The following MIA3 variants were observed in gnomAD, a reference collection of about 807,000 sequenced individuals.
MIA3 encodes transport and Golgi organization protein 1 homolog.
In MIA3, 90 loss-of-function variants were observed where a neutral mutation model predicts 192.4. The observed-to-expected ratio is 0.47, with a 90% confidence interval of 0.39 to 0.56. The LOEUF (loss-of-function observed/expected upper bound fraction) is 0.56, where lower values mean the gene tolerates loss of function less well. MIA3 is among the 20% of genes least tolerant of loss of function. The pLI is 0.00. For missense variants in MIA3, 2,123 were observed against 2,269.4 expected (o/e 0.94, Z 1.31); for synonymous variants, 740 against 792.8 (o/e 0.93, Z 1.12).
rs188656164 is a variant in MIA3, at chr1:222,654,406, G to T, written c.4395G>T (p.Ser1465=). Residue 1465 remains serine (S), a synonymous_variant, in exon 17 of 28, where the codon TCG becomes TCT. Coordinates refer to ENST00000344922, the MANE Select transcript of MIA3 (RefSeq NM_198551.4). ...MDVSRTQTAI[S]VVEEDLKLLQ... ...ATTTTTAGACACAGACTGCAATATC[G>T]GTAGTTGAAGAGGATCTAAAGCTTT... 4 of 1,613,518 alleles carry T rather than the reference G, an allele frequency of 2.5e-6. No homozygotes were observed. The African/African-American group carries it at 5.3e-5, about 22-fold the overall frequency.
rs75058999 is a variant in MIA3 at position 222,659,483 on chromosome 1, A to G, written c.4740A>G (p.Leu1580=). ...KRRIEEMEDE[L]QKTERSFKNQ... ...GAATTGAAGAAATGGAGGATGAATT[A>G]CAGAAGACAGAGCGGTCATTTAAAA... Residue 1580 remains leucine, a synonymous_variant, in exon 20 of 28, where the codon TTA becomes TTG. Transcript: ENST00000344922. The G allele has an allele frequency of 4.2e-4, 682 of 1,614,014 alleles. 2 individuals are homozygous for G. In the Middle Eastern group the frequency reaches 7.1e-3, roughly 17 times the overall value.
At chr1:222,621,813 G>GTA (rs1553280458) in intron 2 of MIA3, among the ~76,000 whole-genome samples, 3 of 140,120 alleles carry the variant, frequency 2.1e-5, no homozygotes, top group Non-Finnish European at 4.6e-5. Context: ...TTGTTTGTTT[G>GTA]TTTTTTTTTT....
In MIA3 at chr1:222,654,791, A is replaced by C. The variant is rs762696018; in HGVS notation, c.4605A>C (p.Gln1535His). ...ATCAGCAGAAGGAGATGGCTTTGCAAAAGTAAGATTATCATCATTTACTGT... is the reference window on the plus strand; with the variant it reads ...ATCAGCAGAAGGAGATGGCTTTGCACAAGTAAGATTATCATCATTTACTGT... ...ELYQQKEMAL[Q>H]KKLSQEEYER... The change falls in exon 18 of 28, where the codon CAA becomes CAC. Residue 1535 changes from glutamine to histidine, a missense_variant and splice_region_variant. This residue lies in a region of MIA3 where 762 missense variants were observed against 856.4 expected (regional missense o/e 0.89). Transcript: ENST00000344922. 1 of 1,613,144 alleles carries C rather than the reference A, an allele frequency of 6.2e-7. No individual in the cohort carries two copies. The highest frequency in any genetic ancestry group is 1.3e-5 in the African/African-American group (1 of 74,894).
intron 8 of MIA3, chr1:222,649,481 C>A (rs1201765116): frequency 1.3e-5 from 2 of 152,248 alleles, no homozygotes; most frequent in Non-Finnish European, 2.9e-5. Context: ...AAAGAAATAC[C>A]CAAGGCCTGG....
At chr1:222,659,138 T>C (rs1663880233) in intron 19 of MIA3, 2 of 418,816 alleles carry the variant, frequency 4.8e-6, no homozygotes, top group East Asian at 8.8e-5. Context: ...TTTGGGAAAA[T>C]TTTTATGATG....
intron 7 of MIA3, 74 bp from the exon 8 acceptor site, chr1:222,648,755 A>C (rs1316287857): frequency 3.5e-6 from 3 of 864,396 alleles, no homozygotes; most frequent in Non-Finnish European, 5.7e-6. Context: ...CAATTCTGAC[A>C]GTTGTATTAG....
intron 1 of MIA3, among the ~76,000 whole-genome samples, chr1:222,620,149 G>A (rs1005827050): frequency 1.4e-4 from 22 of 152,166 alleles, no homozygotes; most frequent in South Asian, 1.0e-3. Flanking sequence ...CTATATGCGT[G>A]TATAGCCATT....
At chr1:222,654,168 TG>T in intron 15 of MIA3, 74 bp from the exon 16 acceptor site, 2 of 1,397,756 alleles carry the variant, frequency 1.4e-6, no homozygotes, top group Admixed American at 3.7e-5. Context: ...TGTTTAGTTT[TG>T]GGTAAATCAA....
rs534563983 is a variant in MIA3, at chr1:222,644,458, G to T, written c.3478-1096G>T. 5.5e-5 allele frequency: 85 copies of T among 1,550,488 alleles called. 2 individuals are homozygous for T. The South Asian group carries it at 9.2e-4, about 17-fold the overall frequency. ...CATTCCGCAGGGAATTGTCGCTTGCGTTCAGCTGTTCTACACAATGGACTC... is the reference window on the plus strand; with the variant it reads ...CATTCCGCAGGGAATTGTCGCTTGCTTTCAGCTGTTCTACACAATGGACTC... On this transcript the variant is annotated intron_variant, in intron 6 of 27. Coordinates refer to ENST00000344922, the MANE Select transcript of MIA3 (RefSeq NM_198551.4).
chr1:222,620,777 C>G (rs922987944), intron 1 of MIA3, among the ~76,000 whole-genome samples: 1 of 152,290 alleles, frequency 6.6e-6, no homozygotes, highest in Admixed American at 6.5e-5. Context: ...TGAATTTACC[C>G]ATTTGCAAAA....
chr1:222,650,558 G>T (rs1350652277), intron 9 of MIA3, 76 bp from the exon 10 acceptor site: 2 of 1,046,088 alleles, frequency 1.9e-6, no homozygotes, highest in Admixed American at 2.2e-5. Context: ...TTCTGTAAGA[G>T]GTCAGTCACT....
intron 24 of MIA3, among the ~76,000 whole-genome samples, chr1:222,661,847 T>C (rs1042002236): frequency 6.6e-6 from 1 of 152,192 alleles, no homozygotes; most frequent in Non-Finnish European, 1.5e-5. Flanking sequence ...GAGCCATTAA[T>C]GTGCAGGGTT....
At chr1:222,644,877 C>T (rs115321951) in intron 6 of MIA3, among the ~76,000 whole-genome samples, 1,725 of 152,092 alleles carry the variant, frequency 0.011, 36 homozygotes, top group African/African-American at 0.039. Flanking sequence ...TCTGCATAAC[C>T]CCCGGCTCTG....
Position 222,636,757 on chromosome 1 carries a change from C to T in MIA3, c.3477+3508C>T, listed in dbSNP as rs148202526. ...TCGAACTCCTGACCTCGTGATCCAC[C>T]GGCCTCGGCCTTCCAAAGTGCTGGG... On this transcript the variant is annotated intron_variant, in intron 6 of 27. Transcript: ENST00000344922. Among the ~76,000 whole-genome samples, 689 of 152,186 alleles carry T rather than the reference C, an allele frequency of 4.5e-3. 4 individuals are homozygous for T. Among genetic ancestry groups the T allele is most frequent in the African/African-American group, 0.016 (650 of 41,524 alleles).
Position 222,666,701 on chromosome 1 carries a change from T to TAGG in MIA3, c.*1082_*1083insAGG, listed in dbSNP as rs1553291616. 7.5e-6 allele frequency: 1 copy of TAGG among 132,892 alleles called. No homozygotes were observed. The highest frequency in any genetic ancestry group is 7.9e-5 in the Admixed American group (1 of 12,656). The allele number at this position is 132,892 out of a possible 1,614,324, so 8.2% of individuals were successfully genotyped here. The stretch of plus-strand genomic sequence containing the variant: ...AAATCAGTTCTGTTTTAGGGGGAAA[T>TAGG]GGGGGCGACAGATATTATTCCAAAA... On this transcript the variant is annotated 3_prime_UTR_variant, in exon 28 of 28. Transcript: ENST00000344922.
intron 12 of MIA3, 46 bp downstream of exon 12, chr1:222,652,094 G>C (rs371581201): frequency 7.4e-7 from 1 of 1,343,972 alleles, no homozygotes; most frequent in Non-Finnish European, 1.1e-6. Flanking sequence ...CTATATCATA[G>C]TTTGATTGCA....
In MIA3 at chr1:222,632,300, C is replaced by G. The variant is rs760005567; in HGVS notation, c.3305C>G (p.Pro1102Arg). 3 of 1,613,774 alleles carry G rather than the reference C, an allele frequency of 1.9e-6. No individual in the cohort carries two copies. The African/African-American group carries it at 4.0e-5, about 22-fold the overall frequency. Residue 1102 changes from proline to arginine, a missense_variant, in exon 5 of 28, where the codon CCA becomes CGA. Pro to Arg is a moderately radical substitution (Grantham distance 103). This residue lies in a region of MIA3 where 1,357 missense variants were observed against 1,396.1 expected (regional missense o/e 0.97). Transcript: ENST00000344922. ...CATGCCTCAGAAGTGTCACAGAAGC[C>G]AAATACTGAGAAAGACCTGGACCCA... is the stretch of plus-strand genomic sequence containing the variant. Reference protein sequence around the residue: ...DTHASEVSQKPNTEKDLDPGP... With the variant: ...DTHASEVSQKRNTEKDLDPGP...
rs879011032 is a variant in MIA3 at position 222,665,197 on chromosome 1, CAAAAAAA to C, written c.5414-94_5414-88del. 2,246 of 383,230 alleles carry C rather than the reference CAAAAAAA, an allele frequency of 5.9e-3. 1 individual carries two copies. The highest frequency in any genetic ancestry group is 0.018 in the African/African-American group (406 of 22,146). 23.7% of individuals were successfully genotyped at this position (383,230 alleles called of 1,614,324 possible). A position where few individuals can be genotyped will look rare whatever the true frequency, so the allele number is the denominator to read the frequency against. The stretch of plus-strand genomic sequence containing the variant: ...CATGTGACAGGCAAGACCCTGCCGC[CAAAAAAA>C]AAAAAAAAAAAAAAAAAGGATGACA... On this transcript the variant is annotated intron_variant, in intron 27 of 27. Coordinates refer to ENST00000344922, the MANE Select transcript of MIA3 (RefSeq NM_198551.4).
Position 222,654,757 on chromosome 1 carries a change from A to G in MIA3, c.4571A>G (p.Asn1524Ser). 3.7e-6 allele frequency: 6 copies of G among 1,614,164 alleles called. No individual in the cohort carries two copies. The highest frequency in any genetic ancestry group is 5.1e-6 in the Non-Finnish European group (6 of 1,179,990). ...KTLRQKVEIL[N>S]ELYQQKEMAL... is the part of the protein sequence containing the mutation. ...TTGAGGCAGAAAGTGGAGATTCTGAATGAGCTCTATCAGCAGAAGGAGATG... is the reference window on the plus strand; with the variant it reads ...TTGAGGCAGAAAGTGGAGATTCTGAGTGAGCTCTATCAGCAGAAGGAGATG... Residue 1524 changes from asparagine (N) to serine (S), a missense_variant, in exon 18 of 28, where the codon AAT becomes AGT. By Grantham distance (46) the Asn-to-Ser change is conservative (BLOSUM62 1). Transcript: ENST00000344922.
Sources: gnomAD v4.1 joint callset for allele counts (sites outside exome capture counted in the v4.1 genomes callset) on GRCh38, gnomAD v4.1.1 for gene constraint, gnomAD v4.1.1 regional missense constraint, MANE v1.5 for transcripts, NCBI Gene and HGNC (gene_info 2026-07-23, HGNC 2026-07-21) for gene names.